MYO7B: variants seen among roughly 807,000 people sequenced by gnomAD.
MYO7B encodes the protein unconventional myosin-VIIb.
In MYO7B, 212 loss-of-function variants were observed where a neutral mutation model predicts 259.7. The ratio of observed to expected loss-of-function variants is 0.82; its 90% CI spans 0.73 to 0.91. The LOEUF is 0.91. MYO7B is among the 40% of genes least tolerant of loss of function. The pLI, the probability that MYO7B is intolerant of heterozygous loss-of-function variation, is 0.00. For missense variants in MYO7B, 2,732 were observed against 2,813.5 expected, an observed-to-expected ratio of 0.97 and a Z score of 0.66; for synonymous variants, 1,197 against 1,166.4, an observed-to-expected ratio of 1.03 and a Z score of -0.54.
In MYO7B at chr2:127,576,896, G is replaced by A. The variant is rs1235953976; in HGVS notation, c.849+188G>A. On this transcript the variant is annotated intron_variant, in intron 8 of 47. Coordinates refer to ENST00000409816, the MANE Select transcript of MYO7B (RefSeq NM_001393586.1). The surrounding 1 kb of genome is among the most constrained non-coding windows in gnomAD (Gnocchi z 4.9). ...GAATCACCTTGCCCGCGTGCCTCCC[G>A]CTTCCCCGTCACATGTACCCCATGC... Among the ~76,000 whole-genome samples the A allele has an allele frequency of 6.6e-6, 1 of 152,044 alleles. No homozygotes were observed. The highest frequency in any genetic ancestry group is 2.4e-5 in the African/African-American group (1 of 41,396).
In MYO7B at chr2:127,631,663, AC is replaced by A; in HGVS notation, c.5161del (p.Gln1721ArgfsTer21). 6.2e-7 allele frequency: 1 copy of A among 1,612,862 alleles called. No homozygotes were observed. Among genetic ancestry groups the A allele is most frequent in the Non-Finnish European group, 8.5e-7 (1 of 1,179,800 alleles). ...RQAWPTLELT[D>X]QIFTLALQHP... Reference sequence around the variant, plus strand: ...GCCTGGCCCACCCTGGAGCTCACCGACCAGATCTTCACACTGGCCCTGCAGC... The same window carrying A: ...GCCTGGCCCACCCTGGAGCTCACCGACAGATCTTCACACTGGCCCTGCAGC... On this transcript the variant is annotated frameshift_variant, in exon 38 of 48. Coordinates refer to ENST00000409816, the MANE Select transcript of MYO7B (RefSeq NM_001393586.1). LOFTEE classifies it high-confidence loss of function.
chr2:127,583,032 G>A (rs1169318246), intron 12 of MYO7B, among the ~76,000 whole-genome samples: 1 of 152,254 alleles, frequency 6.6e-6, no homozygotes, highest in Non-Finnish European at 1.5e-5. Context: ...GCCAGGCCAG[G>A]TGATGCTCAG....
chr2:127,605,846 A>T lies in MYO7B; in HGVS notation c.2342A>T (p.Lys781Met). ...TGTGGCTTGCATTGCCCTTCTAGGAAGGAGTTCCTGAGGCAGAGGCGGGCA... is the reference window on the plus strand; with the variant it reads ...TGTGGCTTGCATTGCCCTTCTAGGATGGAGTTCCTGAGGCAGAGGCGGGCA... The part of the protein sequence containing the change: ...QKVLRGYRYR[K>M]EFLRQRRAAV... The change falls in exon 20 of 48, where the codon AAG (lysine) becomes ATG (methionine). Residue 781 changes from lysine (K) to methionine (M), a missense_variant and splice_region_variant. Lys to Met is a moderately conservative substitution (Grantham distance 95, BLOSUM62 -1). Transcript: ENST00000409816. The T allele has an allele frequency of 6.2e-7, 1 of 1,613,576 alleles. No individual in the cohort carries two copies.
At chr2:127,596,582 C>G (rs781748048) in intron 19 of MYO7B, 26 bp downstream of exon 19, 5 of 1,565,470 alleles carry the variant, frequency 3.2e-6, no homozygotes, top group South Asian at 2.3e-5. Flanking sequence ...CAAGGCCCAC[C>G]CAGCCTACTC....
rs146373762 is a variant in MYO7B at position 127,572,089 on chromosome 2, G to A, written c.593-1831G>A. 4.2e-3 allele frequency among the ~76,000 whole-genome samples: 637 copies of A among 152,146 alleles called. 6 individuals carry two copies. Among genetic ancestry groups the A allele is most frequent in the African/African-American group, 0.014 (601 of 41,504 alleles). ...AGTTTATGATTTACATTTGTGATCCGATATTTTTCTATGGTGCAAGGTACA... is the reference window on the plus strand; with the variant it reads ...AGTTTATGATTTACATTTGTGATCCAATATTTTTCTATGGTGCAAGGTACA... On this transcript the variant is annotated intron_variant, in intron 6 of 47. Transcript: ENST00000409816.
chr2:127,622,703 A>G (rs957370730), intron 28 of MYO7B, among the ~76,000 whole-genome samples: 2 of 151,994 alleles, frequency 1.3e-5, no homozygotes, highest in African/African-American at 4.8e-5. Flanking sequence ...TTCTGTTCTC[A>G]CCCTGCCCCC....
intron 1 of MYO7B, among the ~76,000 whole-genome samples, chr2:127,552,907 A>G (rs983970168): frequency 1.3e-5 from 2 of 152,240 alleles, no homozygotes; most frequent in Non-Finnish European, 2.9e-5. Context: ...ATGTGGGGCA[A>G]AGAGGAGGGA....
rs536383066 is a variant in MYO7B, at chr2:127,584,956, G to A, written c.1690+43G>A. 98 of 1,607,758 alleles carry A rather than the reference G, an allele frequency of 6.1e-5. No individual in the cohort carries two copies. The South Asian group carries it at 7.0e-4, about 11-fold the overall frequency. On this transcript the variant is annotated intron_variant, in intron 14 of 47. Coordinates refer to ENST00000409816, the MANE Select transcript of MYO7B (RefSeq NM_001393586.1). This position sits in a 1 kb window ranked among gnomAD's most constrained non-coding sequence, Gnocchi z 5.8. ...CTCATGTCCCTTCCAAATCTGGACC[G>A]GGTTCCAGGGAGACCGTGGAAAGCA...
In MYO7B at chr2:127,593,656, A is replaced by C. The variant is rs768859681; in HGVS notation, c.2244+12A>C. ...AAATTTTCCTGAGGGTGAGACCCCG[A>C]GGAACCAGCCAGCTGTCGGCCTCCT... On this transcript the variant is annotated intron_variant, in intron 18 of 47. Coordinates refer to ENST00000409816, the MANE Select transcript of MYO7B (RefSeq NM_001393586.1). 2 of 1,612,462 alleles carry C rather than the reference A, an allele frequency of 1.2e-6. No homozygotes were observed. The highest frequency in any genetic ancestry group is 1.7e-6 in the Non-Finnish European group (2 of 1,178,976).
intron 26 of MYO7B, among the ~76,000 whole-genome samples, chr2:127,617,702 C>A (rs1680631116): frequency 6.6e-6 from 1 of 150,482 alleles, no homozygotes; most frequent in African/African-American, 2.5e-5. Flanking sequence ...CGGGGTTTCA[C>A]CTTGTTAGCC....
intron 25 of MYO7B, 53 bp downstream of exon 25, chr2:127,612,380 G>T (rs910199270): frequency 1.1e-5 from 16 of 1,515,992 alleles, no homozygotes; most frequent in Admixed American, 2.0e-5. Flanking sequence ...CCTGCTACAG[G>T]GTTCCAGTCT....
intron 3 of MYO7B, 52 bp from the exon 4 acceptor site, chr2:127,565,180 TG>T: frequency 6.3e-7 from 1 of 1,575,810 alleles, no homozygotes; most frequent in Non-Finnish European, 8.6e-7. Context: ...TGTGGCAGGC[TG>T]GCCATGGGGA....
intron 18 of MYO7B, among the ~76,000 whole-genome samples, chr2:127,595,225 A>G (rs964723622): frequency 5.3e-5 from 8 of 151,936 alleles, no homozygotes; most frequent in African/African-American, 1.9e-4. Flanking sequence ...GAATTCATCC[A>G]TTTCTTCTAC....
chr2:127,617,563 C>T (rs1301314452), intron 26 of MYO7B, among the ~76,000 whole-genome samples: 2 of 125,994 alleles, frequency 1.6e-5, no homozygotes, highest in South Asian at 2.8e-4. Context: ...ACTGCAGTGG[C>T]GCCATCTCGG....
chr2:127,619,000 ATTGTGGTGGCTGGTTGGG>A (rs1285929859), intron 26 of MYO7B, among the ~76,000 whole-genome samples: 2 of 130,152 alleles, frequency 1.5e-5, no homozygotes, highest in Non-Finnish European at 3.2e-5. Context: ...GGCTGGTTGG[ATTGTGGTGGCTGGTTGGG>A]TTGTGGGGGC....
chr2:127,635,889 C>A lies in MYO7B; in HGVS notation c.5988C>A (p.Ser1996=). Residue 1996 remains serine, a synonymous_variant, in exon 44 of 48, where the codon TCC becomes TCA. Transcript: ENST00000409816. ...CTGAGAACCTCACACGCCTGATGTC[C>A]TCGGAGGAGTGGAAAAAGGTCCCTG... The part of the protein sequence containing the change: ...LVPENLTRLM[S]SEEWKKSILL... The A allele has an allele frequency of 6.3e-7, 1 of 1,574,846 alleles. No homozygotes were observed. Among genetic ancestry groups the A allele is most frequent in the East Asian group, 2.4e-5 (1 of 42,460 alleles).
At chr2:127,617,753 C>T (rs530662448) in intron 26 of MYO7B, among the ~76,000 whole-genome samples, 19 of 151,142 alleles carry the variant, frequency 1.3e-4, no homozygotes, top group Non-Finnish European at 2.5e-4. Flanking sequence ...CCACCCGCCT[C>T]GGCCTCCCAA....
At chr2:127,569,674 G>A in intron 5 of MYO7B, 115 bp from the exon 6 acceptor site, 1 of 1,344,336 alleles carries the variant, frequency 7.4e-7, no homozygotes, top group Non-Finnish European at 1.0e-6. Context: ...GCAGGGGAGA[G>A]GCCATCCCTG....
In MYO7B at chr2:127,539,125, A is replaced by G. The variant is rs367574894; in HGVS notation, c.-24+3294A>G. On this transcript the variant is annotated intron_variant, in intron 1 of 47. Coordinates refer to ENST00000409816, the MANE Select transcript of MYO7B (RefSeq NM_001393586.1). The surrounding 1 kb of genome is among the most constrained non-coding windows in gnomAD (Gnocchi z 4.0). Reference sequence around the variant, plus strand: ...CAGTGGTTCATGCACAAGTATATGTATCTGTCAATTTCTCTTTCATCCCTT... The same window carrying G: ...CAGTGGTTCATGCACAAGTATATGTGTCTGTCAATTTCTCTTTCATCCCTT... 3.9e-4 allele frequency among the ~76,000 whole-genome samples: 60 copies of G among 152,316 alleles called. No individual in the cohort carries two copies. Among genetic ancestry groups the G allele is most frequent in the African/African-American group, 1.4e-3 (58 of 41,582 alleles).
Sources: allele counts gnomAD v4.1 joint callset (sites outside exome capture counted in the v4.1 genomes callset), GRCh38; gene constraint gnomAD v4.1.1; non-coding constraint Gnocchi (gnomAD v3.1); transcripts MANE v1.5; gene names NCBI Gene and HGNC (gene_info 2026-07-23, HGNC 2026-07-21).